ELAVL4: variants seen among roughly 807,000 people sequenced by gnomAD.
The protein encoded by ELAVL4 is ELAV-like protein 4.
In ELAVL4, 1 loss-of-function variant was observed where a neutral mutation model predicts 35.6. That is an observed-to-expected ratio of 0.03 (90% CI 0.01 to 0.13). The LOEUF is 0.13. Ranked by LOEUF, ELAVL4 falls within the 10% of genes least tolerant of loss-of-function variation. ELAVL4 has a pLI of 1.00. For missense variants in ELAVL4, 267 were observed against 464.9 expected (o/e 0.57, Z 3.91); for synonymous variants, 156 against 171.0 (o/e 0.91, Z 0.69).
upstream of ELAVL4, among the ~76,000 whole-genome samples, chr1:50,100,037 G>A (rs1665897811): frequency 6.6e-6 from 1 of 152,214 alleles, no homozygotes; most frequent in African/African-American, 2.4e-5. Context: ...TTCTGTGTAA[G>A]TTGGTATGTT....
At chr1:50,139,137 A>G (rs546670643) in intron 1 of ELAVL4, among the ~76,000 whole-genome samples, 2 of 152,292 alleles carry the variant, frequency 1.3e-5, no homozygotes, top group East Asian at 1.9e-4. Context: ...TGGGGATGAT[A>G]TTAGTACTTT....
At chr1:50,082,461 C>T (rs1364611504) in intron 1 of ELAVL4, among the ~76,000 whole-genome samples, 1 of 152,200 alleles carries the variant, frequency 6.6e-6, no homozygotes, top group Non-Finnish European at 1.5e-5. Context: ...TTGTTGGCCA[C>T]ATAAATGTCT....
intron 1 of ELAVL4, among the ~76,000 whole-genome samples, chr1:50,087,437 A>T (rs1206689268): frequency 6.6e-6 from 1 of 152,192 alleles, no homozygotes; most frequent in African/African-American, 2.4e-5. Flanking sequence ...TGTACAACAG[A>T]CTATGTCTTC....
intron 1 of ELAVL4, among the ~76,000 whole-genome samples, chr1:50,059,587 C>G (rs1277125499): frequency 6.6e-6 from 1 of 151,894 alleles, no homozygotes; most frequent in Non-Finnish European, 1.5e-5. Flanking sequence ...ATGGAACCCT[C>G]CTGTTTTGCT....
In ELAVL4 at chr1:50,109,181, C is replaced by A. The variant is rs1261832290; in HGVS notation, c.-9C>A. 5 of 1,611,008 alleles carry A rather than the reference C, an allele frequency of 3.1e-6. No individual in the cohort carries two copies. The South Asian group carries it at 4.4e-5, about 14-fold the overall frequency. On this transcript the variant is annotated 5_prime_UTR_variant, in exon 1 of 7. Transcript: ENST00000371824. ...GAAGCTCTGCGAGACCCAATATTTGCCAATAAGAATGGTTATGGTAGGTAT... is the reference window on the plus strand; with the variant it reads ...GAAGCTCTGCGAGACCCAATATTTGACAATAAGAATGGTTATGGTAGGTAT...
chr1:50,190,697 G>T (rs3934581), intron 3 of ELAVL4, among the ~76,000 whole-genome samples: 2 of 152,212 alleles, frequency 1.3e-5, no homozygotes, highest in African/African-American at 2.4e-5. Context: ...TGGGGAAATG[G>T]TTTTTGTTGT....
chr1:50,200,831 C>A lies in ELAVL4; in HGVS notation c.774-20C>A, dbSNP rs116030028. 66 of 1,607,770 alleles carry A rather than the reference C, an allele frequency of 4.1e-5. No homozygotes were observed. The African/African-American group carries it at 7.5e-4, about 18-fold the overall frequency. On this transcript the variant is annotated intron_variant, in intron 6 of 6. Transcript: ENST00000371824. ...CAGACTGATGTCTGGACCAGTCCCC[C>A]CTTCTGCTTGTCCCCCCAGGTTCTC...
chr1:50,197,767 G>A (rs1644144459), intron 6 of ELAVL4, among the ~76,000 whole-genome samples: 1 of 152,198 alleles, frequency 6.6e-6, no homozygotes, highest in Admixed American at 6.5e-5. Context: ...CTCCCCTAAG[G>A]GGAAAGGCTC....
In ELAVL4 at chr1:50,078,140, GTGTA is replaced by G. The variant is rs757410054; in HGVS notation, c.18+29960_18+29963del. Among the ~76,000 whole-genome samples the G allele has an allele frequency of 2.2e-3, 327 of 149,178 alleles. 1 individual carries two copies. Among genetic ancestry groups the G allele is most frequent in the South Asian group, 0.01 (49 of 4,740 alleles). On this transcript the variant is annotated intron_variant, in intron 1 of 6. Transcript: ENST00000448907. ...TGTGTGTGTGTGTGTGTGTGTGTGTGTGTATATAGTATTTGTGTGTTTATATATC... is the reference window on the plus strand; with the variant it reads ...TGTGTGTGTGTGTGTGTGTGTGTGTGTATAGTATTTGTGTGTTTATATATC...
intron 3 of ELAVL4, among the ~76,000 whole-genome samples, chr1:50,185,871 G>T (rs917746044): frequency 1.3e-5 from 2 of 152,056 alleles, no homozygotes; most frequent in Non-Finnish European, 2.9e-5. Context: ...CACAGTAATC[G>T]TATCAGTCTT....
intron 1 of ELAVL4, among the ~76,000 whole-genome samples, chr1:50,123,690 C>G (rs1418205809): frequency 6.6e-6 from 1 of 152,068 alleles, no homozygotes; most frequent in African/African-American, 2.4e-5. Flanking sequence ...AGCCTCCCAT[C>G]TTGGGTCTCT....
chr1:50,095,674 A>G (rs1263189883), intron 1 of ELAVL4, among the ~76,000 whole-genome samples: 1 of 152,188 alleles, frequency 6.6e-6, no homozygotes, highest in Non-Finnish European at 1.5e-5. Flanking sequence ...ATCTGAGAAT[A>G]TGGGCTACAA....
intron 2 of ELAVL4, among the ~76,000 whole-genome samples, chr1:50,155,381 GA>G (rs1453072995): frequency 6.6e-6 from 1 of 152,006 alleles, no homozygotes; most frequent in African/African-American, 2.4e-5. Context: ...ACAGGCCTCT[GA>G]TTGTAGAGAC....
At chr1:50,171,850 AG>A (rs1415691133) in intron 2 of ELAVL4, among the ~76,000 whole-genome samples, 2 of 152,214 alleles carry the variant, frequency 1.3e-5, no homozygotes, top group Admixed American at 1.3e-4. Context: ...CAGGATATGG[AG>A]TTGGCTGCAA....
chr1:50,190,580 T>C (rs372008793), intron 3 of ELAVL4, among the ~76,000 whole-genome samples: 1 of 152,356 alleles, frequency 6.6e-6, no homozygotes, highest in South Asian at 2.1e-4. Context: ...GATGTGCTGT[T>C]CACCTTTGGG....
At chr1:50,147,307 G>C (rs1673900454) in intron 2 of ELAVL4, among the ~76,000 whole-genome samples, 1 of 152,206 alleles carries the variant, frequency 6.6e-6, no homozygotes, top group Non-Finnish European at 1.5e-5. Flanking sequence ...AGTAAAACTT[G>C]TGGTTGTAAA....
At chr1:50,143,810 A>G (rs949815051) in intron 1 of ELAVL4, among the ~76,000 whole-genome samples, 7 of 152,234 alleles carry the variant, frequency 4.6e-5, no homozygotes, top group South Asian at 4.2e-4. Context: ...CCATTTTTCT[A>G]TGATAACAGA....
At chr1:50,153,042 C>A (rs549941823) in intron 2 of ELAVL4, among the ~76,000 whole-genome samples, 1 of 152,156 alleles carries the variant, frequency 6.6e-6, no homozygotes, top group Non-Finnish European at 1.5e-5. Context: ...GCAGGACCAA[C>A]GAGCCAGGGA....
chr1:50,137,491 TAGAG>T (rs975868149), intron 1 of ELAVL4, among the ~76,000 whole-genome samples: 5 of 148,780 alleles, frequency 3.4e-5, no homozygotes, highest in African/African-American at 1.2e-4. Context: ...TGGGGCAACA[TAGAG>T]AGACCCAGTC....
Sources: gnomAD v4.1 joint callset for allele counts (sites outside exome capture counted in the v4.1 genomes callset) on GRCh38, gnomAD v4.1.1 for gene constraint, MANE v1.5 for transcripts, NCBI Gene and HGNC (gene_info 2026-07-23, HGNC 2026-07-21) for gene names.